Variants in PDSS2 observed in about 807,000 individuals in gnomAD.
The protein encoded by PDSS2 is decaprenyl diphosphate synthase subunit 2, also known as all trans-polyprenyl-diphosphate synthase PDSS2.
A neutral mutation model predicts 44.5 loss-of-function variants in PDSS2; 31 were observed. That is an observed-to-expected ratio of 0.70 (90% confidence interval 0.52 to 0.94). The LOEUF (loss-of-function observed/expected upper bound fraction) is 0.94. PDSS2 is among the 40% of genes least tolerant of loss of function. The pLI is 0.00. For synonymous variants in PDSS2, 157 were observed against 180.3 expected, an observed-to-expected ratio of 0.87 and a Z score of 1.03; for missense variants, 452 against 482.2, an observed-to-expected ratio of 0.94 and a Z score of 0.59.
At chr6:107,409,589 T>C (rs554069934) in intron 1 of PDSS2, among the ~76,000 whole-genome samples, 1 of 152,304 alleles carries the variant, frequency 6.6e-6, no homozygotes, top group South Asian at 2.1e-4. Context: ...TCAGAATTCT[T>C]CCTTAAACTT....
intron 1 of PDSS2, among the ~76,000 whole-genome samples, chr6:107,405,491 A>G (rs1780282403): frequency 6.6e-6 from 1 of 152,100 alleles, no homozygotes; most frequent in South Asian, 2.1e-4. Flanking sequence ...CAATATCATG[A>G]CAGGAAAAAA....
intron 1 of PDSS2, among the ~76,000 whole-genome samples, chr6:107,358,863 C>T (rs1345387931): frequency 1.3e-5 from 2 of 151,980 alleles, no homozygotes; most frequent in African/African-American, 4.8e-5. Flanking sequence ...TAGATATTGG[C>T]AAATGTCCCC....
At chr6:107,416,434 G>T (rs1344839082) in intron 1 of PDSS2, among the ~76,000 whole-genome samples, 1 of 152,102 alleles carries the variant, frequency 6.6e-6, no homozygotes, top group Non-Finnish European at 1.5e-5. Flanking sequence ...TCATATCCGG[G>T]TTGATTTGTT....
At chr6:107,440,024 T>C (rs1253663824) in intron 1 of PDSS2, among the ~76,000 whole-genome samples, 1 of 152,116 alleles carries the variant, frequency 6.6e-6, no homozygotes, top group Non-Finnish European at 1.5e-5. Context: ...GTTAGTGTTT[T>C]GACAGGGACA....
intron 7 of PDSS2, among the ~76,000 whole-genome samples, chr6:107,159,009 G>A (rs957773295): frequency 4.6e-5 from 7 of 152,226 alleles, no homozygotes; most frequent in Admixed American, 2.0e-4. Context: ...GATTACAGGC[G>A]TGAGCCACTG....
chr6:107,241,527 T>C (rs1031032945), intron 4 of PDSS2, among the ~76,000 whole-genome samples: 2 of 151,698 alleles, frequency 1.3e-5, no homozygotes, highest in Non-Finnish European at 2.9e-5. Context: ...TTTGTATTTT[T>C]AGTAGAGACA....
chr6:107,431,811 T>A (rs1291806222), intron 1 of PDSS2, among the ~76,000 whole-genome samples: 1 of 152,234 alleles, frequency 6.6e-6, no homozygotes, highest in Non-Finnish European at 1.5e-5. Flanking sequence ...TGTTGTCTCA[T>A]GTAATCCTCA....
At position 107,154,880 on chromosome 6, in the gene PDSS2, T is replaced by C. The variant is rs530834937; in HGVS notation, c.1042-103A>G. 50 of 983,280 alleles carry C rather than the reference T, an allele frequency of 5.1e-5. No homozygotes were observed. The African/African-American group carries it at 5.7e-4, about 11-fold the overall frequency. The allele number at this position is 983,280 out of a possible 1,614,324, so 60.9% of individuals were successfully genotyped here. On this transcript the variant is annotated intron_variant, in intron 7 of 7. Coordinates refer to ENST00000369037, the MANE Select transcript of PDSS2 (RefSeq NM_020381.4). ...GATGGAAAACAAAGAAAGGGAGAAA[T>C]AGTATAGATTGAGTATTTCTGCTAC... is the stretch of plus-strand genomic sequence containing the variant.
At chr6:107,170,857 C>T (rs142752406) in intron 7 of PDSS2, among the ~76,000 whole-genome samples, 4,745 of 152,184 alleles carry the variant, frequency 0.031, 260 homozygotes, top group African/African-American at 0.11. Flanking sequence ...AAGTGATCCT[C>T]CCACCTCAGC....
chr6:107,236,514 C>G (rs1021383910), intron 4 of PDSS2, among the ~76,000 whole-genome samples: 1 of 151,578 alleles, frequency 6.6e-6, no homozygotes, highest in African/African-American at 2.4e-5. Flanking sequence ...GTCTTATAAG[C>G]AAGGTTAAAA....
At chr6:107,324,957 C>T (rs935069578) in intron 2 of PDSS2, among the ~76,000 whole-genome samples, 6 of 152,022 alleles carry the variant, frequency 3.9e-5, no homozygotes, top group Admixed American at 3.3e-4. Flanking sequence ...TAGAAGTCGT[C>T]AGATGCTAAT....
chr6:107,269,425 G>A (rs368016570), intron 3 of PDSS2, among the ~76,000 whole-genome samples: 1 of 150,860 alleles, frequency 6.6e-6, no homozygotes, highest in East Asian at 2.0e-4. Flanking sequence ...TGCAAGGTGA[G>A]ACATTTCAAA....
chr6:107,428,099 G>T (rs938107868), intron 1 of PDSS2, among the ~76,000 whole-genome samples: 2 of 152,096 alleles, frequency 1.3e-5, no homozygotes, highest in African/African-American at 4.8e-5. Flanking sequence ...AAAATTTTCT[G>T]AACTATTCCA....
intron 1 of PDSS2, among the ~76,000 whole-genome samples, chr6:107,354,717 G>A (rs9486596): frequency 0.069 from 10,456 of 152,140 alleles, 430 homozygotes; most frequent in Non-Finnish European, 0.091. Flanking sequence ...TCACAGGCTC[G>A]TCTTAGAGAC....
At chr6:107,345,658 G>A (rs1778220530) in intron 1 of PDSS2, among the ~76,000 whole-genome samples, 2 of 151,870 alleles carry the variant, frequency 1.3e-5, no homozygotes, top group Middle Eastern at 3.4e-3. Context: ...TTAGGGGGGA[G>A]GGGGAAGAGC....
chr6:107,445,556 T>C (rs1354484969), intron 1 of PDSS2, among the ~76,000 whole-genome samples: 2 of 152,194 alleles, frequency 1.3e-5, no homozygotes, highest in Non-Finnish European at 2.9e-5. Flanking sequence ...ATAAAGACTA[T>C]AAATAGCCTC....
chr6:107,291,608 C>T (rs573477170), intron 2 of PDSS2, among the ~76,000 whole-genome samples: 1 of 151,324 alleles, frequency 6.6e-6, no homozygotes, highest in East Asian at 2.0e-4. Context: ...TCAAGTGATC[C>T]TCCCACCTTG....
chr6:107,229,118 CT>C (rs1462156648), intron 4 of PDSS2, among the ~76,000 whole-genome samples: 3 of 152,062 alleles, frequency 2.0e-5, no homozygotes, highest in South Asian at 4.1e-4. Context: ...TAAAAAACAG[CT>C]TTTACATGTA....
chr6:107,311,171 C>T (rs1326626460), intron 2 of PDSS2, among the ~76,000 whole-genome samples: 1 of 149,064 alleles, frequency 6.7e-6, no homozygotes, highest in African/African-American at 2.5e-5. Flanking sequence ...CTGCCTTGGG[C>T]TCCCAAAATG....
Sources: allele counts gnomAD v4.1 joint callset (sites outside exome capture counted in the v4.1 genomes callset), GRCh38; gene constraint gnomAD v4.1.1; transcripts MANE v1.5; gene names NCBI Gene and HGNC (gene_info 2026-07-23, HGNC 2026-07-21).